TTC28: variants seen among roughly 807,000 people sequenced by gnomAD.
The protein encoded by TTC28 is tetratricopeptide repeat domain 28.
Under a neutral mutation model 198.0 loss-of-function variants are expected in TTC28, and 61 were observed. That is an observed-to-expected ratio of 0.31 (90% CI 0.25 to 0.38). The LOEUF (loss-of-function observed/expected upper bound fraction) is 0.38, where lower values mean the gene tolerates loss of function less well. TTC28 is among the 10% of genes least tolerant of loss of function. The pLI, the probability that TTC28 is intolerant of heterozygous loss-of-function variation, is 1.00. For missense variants in TTC28, 2,678 were observed against 3,164.0 expected, an observed-to-expected ratio of 0.85 and a Z score of 3.69; for synonymous variants, 1,171 against 1,297.8, an observed-to-expected ratio of 0.90 and a Z score of 2.10.
chr22:28,553,077 G>A (rs1328741624), intron 2 of TTC28, among the ~76,000 whole-genome samples: 1 of 152,160 alleles, frequency 6.6e-6, no homozygotes, highest in Non-Finnish European at 1.5e-5. Flanking sequence ...ACGGAGTCTC[G>A]TTCACTCAGT....
At chr22:28,557,761 G>A (rs2049808184) in intron 2 of TTC28, among the ~76,000 whole-genome samples, 1 of 152,036 alleles carries the variant, frequency 6.6e-6, no homozygotes, top group Non-Finnish European at 1.5e-5. Flanking sequence ...AGAATCCTAG[G>A]TGGTAAATGA....
chr22:28,318,030 A>C (rs1297701637), intron 2 of TTC28, among the ~76,000 whole-genome samples: 1 of 151,638 alleles, frequency 6.6e-6, no homozygotes, highest in East Asian at 1.9e-4. Context: ...CAACCTCCCA[A>C]GTAGCTGGGG....
chr22:28,539,465 T>C (rs562956333), intron 2 of TTC28, among the ~76,000 whole-genome samples: 1 of 152,006 alleles, frequency 6.6e-6, no homozygotes, highest in African/African-American at 2.4e-5. Context: ...TGAAAACCCA[T>C]CTCTATAAAA....
Position 27,981,883 on chromosome 22 carries a change from C to T in TTC28, c.*338G>A, listed in dbSNP as rs1207113256. On this transcript the variant is annotated 3_prime_UTR_variant, in exon 23 of 23. Coordinates refer to ENST00000397906, the MANE Select transcript of TTC28 (RefSeq NM_001145418.2). ...TGTGCTCCCTTTCCTCTCCCCACCC[C>T]AGAACCATGATCATTTTTGTACAAA... 7.9e-6 allele frequency: 2 copies of T among 251,692 alleles called. No individual in the cohort carries two copies. Among genetic ancestry groups the T allele is most frequent in the Admixed American group, 5.0e-5 (1 of 19,888 alleles). 15.6% of individuals were successfully genotyped at this position (251,692 alleles called of 1,614,324 possible). A position where few individuals can be genotyped will look rare whatever the true frequency, so the allele number is the denominator to read the frequency against.
At chr22:28,378,753 T>TA (rs367721669) in intron 2 of TTC28, among the ~76,000 whole-genome samples, 1 of 151,970 alleles carries the variant, frequency 6.6e-6, no homozygotes, top group Non-Finnish European at 1.5e-5. Flanking sequence ...TGAAACAATT[T>TA]AAAATAAAGC....
intron 2 of TTC28, among the ~76,000 whole-genome samples, chr22:28,328,512 G>C (rs576734458): frequency 6.6e-6 from 1 of 151,950 alleles, no homozygotes; most frequent in Admixed American, 6.6e-5. Context: ...CTAGCACTCT[G>C]GGAGGCCGAG....
rs560172321 is a variant in TTC28, at chr22:28,083,822, G to A, written c.3932+10258C>T. 1.4e-4 allele frequency among the ~76,000 whole-genome samples: 21 copies of A among 152,354 alleles called. No individual in the cohort carries two copies. In the South Asian group the frequency reaches 2.7e-3, roughly 20 times the overall value. ...CGGGTCACTCCCACCCTCATACTGC[G>A]CTCTTCCAATAGGCTTAACAAATGG... is the stretch of plus-strand genomic sequence containing the variant. On this transcript the variant is annotated intron_variant, in intron 12 of 22. Coordinates refer to ENST00000397906, the MANE Select transcript of TTC28 (RefSeq NM_001145418.2).
intron 5 of TTC28, among the ~76,000 whole-genome samples, chr22:28,175,089 T>C (rs1402231950): frequency 6.6e-6 from 1 of 151,156 alleles, no homozygotes; most frequent in East Asian, 1.9e-4. Context: ...CTAGACTCCT[T>C]CTCTCACCAT....
chr22:28,296,343 G>GAAAA lies in TTC28; in HGVS notation c.803-19_803-16dup. On this transcript the variant is annotated splice_polypyrimidine_tract_variant and intron_variant, in intron 4 of 22. Transcript: ENST00000397906. Reference sequence around the variant, plus strand: ...TGTCTGGTCACCTGGATTGAATTGAGAAAAAAAAAAAGAAAAAATTTCTCT... The same window carrying GAAAA: ...TGTCTGGTCACCTGGATTGAATTGAGAAAAAAAAAAAAAAAGAAAAAATTTCTCT... 1 of 1,145,674 alleles carries GAAAA rather than the reference G, an allele frequency of 8.7e-7. No homozygotes were observed. The highest frequency in any genetic ancestry group is 1.2e-6 in the Non-Finnish European group (1 of 869,166). The allele number at this position is 1,145,674 out of a possible 1,614,324, so 71.0% of individuals were successfully genotyped here.
intron 6 of TTC28, among the ~76,000 whole-genome samples, chr22:28,130,041 C>A (rs1409219489): frequency 1.3e-4 from 20 of 152,174 alleles, no homozygotes; most frequent in African/African-American, 2.4e-5. Flanking sequence ...GGAAATACCA[C>A]CATATTACCT....
chr22:28,543,686 A>G (rs954090993), intron 2 of TTC28, among the ~76,000 whole-genome samples: 1 of 152,212 alleles, frequency 6.6e-6, no homozygotes, highest in Non-Finnish European at 1.5e-5. Flanking sequence ...TAAGGAAAAA[A>G]TAACAATCCT....
chr22:28,537,657 G>A (rs2049324384), intron 2 of TTC28, among the ~76,000 whole-genome samples: 1 of 152,012 alleles, frequency 6.6e-6, no homozygotes, highest in African/African-American at 2.4e-5. Context: ...TACAAAAATA[G>A]CATAAAAATC....
At chr22:28,447,241 A>T (rs2047715837) in intron 2 of TTC28, among the ~76,000 whole-genome samples, 1 of 151,468 alleles carries the variant, frequency 6.6e-6, no homozygotes, top group Non-Finnish European at 1.5e-5. Context: ...AAACAGAGAC[A>T]GGTTAAAAAA....
intron 3 of TTC28, among the ~76,000 whole-genome samples, chr22:28,305,247 T>A (rs771073515): frequency 4.6e-5 from 7 of 152,064 alleles, no homozygotes; most frequent in Non-Finnish European, 8.8e-5. Flanking sequence ...CACCTCGGCC[T>A]CCCAAAGTGC....
chr22:28,291,885 T>C (rs1175223383), intron 5 of TTC28, among the ~76,000 whole-genome samples: 1 of 152,156 alleles, frequency 6.6e-6, no homozygotes, highest in Non-Finnish European at 1.5e-5. Context: ...AAATGTGTTA[T>C]AAGTGGAAAA....
intron 5 of TTC28, among the ~76,000 whole-genome samples, chr22:28,165,499 C>T (rs1001183483): frequency 1.2e-4 from 18 of 151,650 alleles, no homozygotes; most frequent in African/African-American, 1.2e-4. Flanking sequence ...ACTCTACAAG[C>T]CAGAAGAGAG....
At chr22:28,411,980 C>A (rs1328301045) in intron 2 of TTC28, among the ~76,000 whole-genome samples, 1 of 152,114 alleles carries the variant, frequency 6.6e-6, no homozygotes, top group Admixed American at 6.6e-5. Flanking sequence ...TAAAGTATTA[C>A]AATTTCAATG....
At chr22:28,474,594 A>T (rs1399255807) in intron 2 of TTC28, among the ~76,000 whole-genome samples, 1 of 152,232 alleles carries the variant, frequency 6.6e-6, no homozygotes, top group Non-Finnish European at 1.5e-5. Context: ...CACTGACATC[A>T]AGCCAAACAT....
At chr22:28,305,289 C>G (rs1360224075) in intron 3 of TTC28, among the ~76,000 whole-genome samples, 1 of 152,132 alleles carries the variant, frequency 6.6e-6, no homozygotes, top group African/African-American at 2.4e-5. Context: ...ACACACCTGG[C>G]CAGTCAGAGT....
Sources: allele counts gnomAD v4.1 joint callset (sites outside exome capture counted in the v4.1 genomes callset), GRCh38; gene constraint gnomAD v4.1.1; transcripts MANE v1.5; gene names NCBI Gene and HGNC (gene_info 2026-07-23, HGNC 2026-07-21).